WWOX: variants seen among roughly 807,000 people sequenced by gnomAD.
WWOX encodes WW domain containing oxidoreductase, also known as WW domain-containing oxidoreductase.
Under a neutral mutation model 46.2 loss-of-function variants are expected in WWOX, and 69 were observed. That is an observed-to-expected ratio of 1.49 (90% CI 1.23 to 1.82). WWOX has a LOEUF of 1.82. WWOX is among the 40% of genes most tolerant of loss of function. WWOX has a pLI of 0.00. For missense variants in WWOX, 919 were observed against 542.6 expected, an observed-to-expected ratio of 1.69 and a Z score of -6.89; for synonymous variants, 359 against 202.6, an observed-to-expected ratio of 1.77 and a Z score of -6.56.
At chr16:78,907,371 G>A (rs1193764894) in intron 8 of WWOX, among the ~76,000 whole-genome samples, 4 of 152,186 alleles carry the variant, frequency 2.6e-5, no homozygotes, top group Non-Finnish European at 4.4e-5. Context: ...TGGGGAAATT[G>A]CAAATCTTGT....
intron 8 of WWOX, among the ~76,000 whole-genome samples, chr16:79,184,617 C>A (rs1042167363): frequency 1.3e-5 from 2 of 152,212 alleles, no homozygotes; most frequent in African/African-American, 4.8e-5. Flanking sequence ...CCTGTACCTG[C>A]CTCTCCTGAG....
chr16:78,833,127 C>A (rs937015037), intron 8 of WWOX, among the ~76,000 whole-genome samples: 1 of 151,678 alleles, frequency 6.6e-6, no homozygotes, highest in African/African-American at 2.4e-5. Flanking sequence ...CTGCAGCCTC[C>A]AACTCCTAGG....
chr16:78,243,396 T>TTTA (rs2037720019), intron 5 of WWOX, among the ~76,000 whole-genome samples: 1 of 152,144 alleles, frequency 6.6e-6, no homozygotes, highest in Non-Finnish European at 1.5e-5. Flanking sequence ...GGGGTACTCG[T>TTTA]GCAGGGCTGT....
intron 8 of WWOX, among the ~76,000 whole-genome samples, chr16:78,788,403 C>G (rs2550592): frequency 6.6e-6 from 1 of 152,022 alleles, no homozygotes; most frequent in South Asian, 2.1e-4. Context: ...CTCTAATCTT[C>G]CCCACCTTTT....
intron 8 of WWOX, among the ~76,000 whole-genome samples, chr16:79,179,337 G>C (rs1022303291): frequency 6.6e-6 from 1 of 152,126 alleles, no homozygotes; most frequent in Non-Finnish European, 1.5e-5. Context: ...GCCATGAGAG[G>C]TACTCTTAGC....
chr16:79,184,140 T>A (rs28515196), intron 8 of WWOX, among the ~76,000 whole-genome samples: 2 of 152,122 alleles, frequency 1.3e-5, no homozygotes, highest in African/African-American at 4.8e-5. Flanking sequence ...TCTGAATGGA[T>A]TGTAAATTAA....
intron 8 of WWOX, among the ~76,000 whole-genome samples, chr16:78,694,856 T>G (rs2048066652): frequency 6.6e-6 from 1 of 152,128 alleles, no homozygotes; most frequent in Admixed American, 6.5e-5. Context: ...CTGCTATGTA[T>G]CTTTACATCT....
chr16:78,452,475 C>CTTT (rs397945707), intron 8 of WWOX, among the ~76,000 whole-genome samples: 18 of 126,042 alleles, frequency 1.4e-4, no homozygotes, highest in African/African-American at 2.2e-4. Context: ...CTCTCTCTCT[C>CTTT]TTTTTTTTTT....
At chr16:79,135,444 C>G (rs1020359567) in intron 8 of WWOX, among the ~76,000 whole-genome samples, 3 of 152,144 alleles carry the variant, frequency 2.0e-5, no homozygotes, top group African/African-American at 2.4e-5. Context: ...TGTAATAAAT[C>G]TGTTAAATAA....
intron 5 of WWOX, among the ~76,000 whole-genome samples, chr16:78,330,380 A>T (rs72792378): frequency 0.026 from 3,930 of 152,104 alleles, 86 homozygotes; most frequent in African/African-American, 0.059. Flanking sequence ...GTTTAAAGAG[A>T]AAATTTCACC....
intron 4 of WWOX, among the ~76,000 whole-genome samples, chr16:78,127,159 C>G (rs1158039800): frequency 6.6e-6 from 1 of 152,170 alleles, no homozygotes; most frequent in Admixed American, 6.5e-5. Context: ...TCTCAGAACT[C>G]CTGTTCCACC....
chr16:78,930,858 G>C (rs1438659301), intron 8 of WWOX, among the ~76,000 whole-genome samples: 1 of 152,106 alleles, frequency 6.6e-6, no homozygotes, highest in Non-Finnish European at 1.5e-5. Flanking sequence ...AGGTGACAAA[G>C]ACAAGGAGAA....
intron 5 of WWOX, among the ~76,000 whole-genome samples, chr16:78,381,097 C>T (rs1472799917): frequency 6.6e-6 from 1 of 152,186 alleles, no homozygotes; most frequent in Admixed American, 6.5e-5. Context: ...AGTTCCAGGG[C>T]AGCCTGGCTC....
chr16:78,637,619 A>G (rs909338895), intron 8 of WWOX, among the ~76,000 whole-genome samples: 1 of 152,164 alleles, frequency 6.6e-6, no homozygotes, highest in African/African-American at 2.4e-5. Flanking sequence ...TCCCAGATCA[A>G]AGAAAGATAA....
At chr16:78,374,450 G>T (rs897314217) in intron 5 of WWOX, among the ~76,000 whole-genome samples, 1 of 150,214 alleles carries the variant, frequency 6.7e-6, no homozygotes, top group Admixed American at 6.6e-5. Flanking sequence ...TACTCCAAAT[G>T]ACGCACAAAA....
chr16:79,132,160 AC>A (rs2049892771), intron 8 of WWOX, among the ~76,000 whole-genome samples: 1 of 139,662 alleles, frequency 7.2e-6, no homozygotes, highest in Non-Finnish European at 1.6e-5. Context: ...ACACACACAC[AC>A]ACACACCCCT....
intron 8 of WWOX, among the ~76,000 whole-genome samples, chr16:78,558,035 G>A (rs907178027): frequency 1.1e-4 from 17 of 151,948 alleles, no homozygotes; most frequent in East Asian, 5.8e-4. Flanking sequence ...GCACATAGTC[G>A]GCCCTCAGTG....
At chr16:78,738,305 CAG>C (rs1190707401) in intron 8 of WWOX, among the ~76,000 whole-genome samples, 5 of 152,060 alleles carry the variant, frequency 3.3e-5, no homozygotes, top group African/African-American at 1.2e-4. Context: ...CTGGGTGAAA[CAG>C]AGCAATCACA....
intron 8 of WWOX, among the ~76,000 whole-genome samples, chr16:78,511,119 G>A (rs187140734): frequency 6.6e-6 from 1 of 152,216 alleles, no homozygotes; most frequent in Admixed American, 6.5e-5. Flanking sequence ...CAAATTGCAG[G>A]TCCTCCCCTT....
Sources: allele counts gnomAD v4.1 joint callset (sites outside exome capture counted in the v4.1 genomes callset), GRCh38; gene constraint gnomAD v4.1.1; transcripts MANE v1.5; gene names NCBI Gene and HGNC (gene_info 2026-07-23, HGNC 2026-07-21).